IL10RB: variants seen among roughly 807,000 people sequenced by gnomAD.
IL10RB encodes interleukin 10 receptor subunit beta.
A neutral mutation model predicts 38.7 loss-of-function variants in IL10RB; 30 were observed. That is an observed-to-expected ratio of 0.78 (90% CI 0.58 to 1.05). The LOEUF is 1.05. Ranked by LOEUF, IL10RB falls within the 50% of genes least tolerant of loss-of-function variation. The pLI is 0.00. For synonymous variants in IL10RB, 142 were observed against 145.9 expected, an observed-to-expected ratio of 0.97 and a Z score of 0.19; for missense variants, 328 against 397.1, an observed-to-expected ratio of 0.83 and a Z score of 1.48.
At chr21:33,297,703 C>G (rs1367894452), downstream of IL10RB, among the ~76,000 whole-genome samples, 1 of 152,000 alleles carries the variant, frequency 6.6e-6, no homozygotes, top group African/African-American at 2.4e-5. Context: ...GTCCCAGCTA[C>G]TCAGGAGGCT....
chr21:33,273,931 A>G (rs548014323), intron 2 of IL10RB, among the ~76,000 whole-genome samples: 1 of 152,288 alleles, frequency 6.6e-6, no homozygotes, highest in East Asian at 1.9e-4. Flanking sequence ...TTTTCACCAC[A>G]TCTGCAGTTA....
rs8178535 is a variant in IL10RB at position 33,290,007 on chromosome 21, G to A, written c.804+1746G>A. 8.1e-3 allele frequency among the ~76,000 whole-genome samples: 1,227 copies of A among 152,174 alleles called. 15 individuals are homozygous for A. Among genetic ancestry groups the A allele is most frequent in the African/African-American group, 0.028 (1,153 of 41,526 alleles). On this transcript the variant is annotated intron_variant, in intron 6 of 6. Transcript: ENST00000290200. ...CGGGCGCCTGTAGTCCCAGCTCCTC[G>A]GGAGGCTGAGGCAGGAGAATGGCGT...
intron 2 of IL10RB, among the ~76,000 whole-genome samples, chr21:33,272,049 G>T (rs567873366): frequency 6.6e-6 from 1 of 152,124 alleles, no homozygotes; most frequent in Non-Finnish European, 1.5e-5. Context: ...TGAAATGACC[G>T]CTGGATTTTC....
chr21:33,297,442 A>T (rs1286441535), downstream of IL10RB, among the ~76,000 whole-genome samples: 1 of 152,010 alleles, frequency 6.6e-6, no homozygotes, highest in Non-Finnish European at 1.5e-5. Flanking sequence ...AAAAAAAAAA[A>T]ACCTAGAAAT....
intron 6 of IL10RB, among the ~76,000 whole-genome samples, chr21:33,289,080 G>T (rs897125085): frequency 6.6e-6 from 1 of 152,220 alleles, no homozygotes; most frequent in African/African-American, 2.4e-5. Context: ...CTCGAGCTGG[G>T]GTGGCCCTTT....
At chr21:33,276,133 A>G (rs1989165905) in intron 2 of IL10RB, among the ~76,000 whole-genome samples, 2 of 152,218 alleles carry the variant, frequency 1.3e-5, no homozygotes, top group African/African-American at 2.4e-5. Flanking sequence ...GCAAATCACA[A>G]TAAAATGAGG....
At chr21:33,290,205 C>T (rs944924606) in intron 6 of IL10RB, among the ~76,000 whole-genome samples, 8 of 152,030 alleles carry the variant, frequency 5.3e-5, no homozygotes, top group Admixed American at 2.0e-4. Flanking sequence ...GCAGGAGAAT[C>T]GCTTGAACTC....
chr21:33,295,845 G>A (rs1262407369), intron 6 of IL10RB, among the ~76,000 whole-genome samples: 1 of 152,128 alleles, frequency 6.6e-6, no homozygotes, highest in East Asian at 1.9e-4. Context: ...AGGAGTTCAA[G>A]ACCAGCCTGG....
intron 4 of IL10RB, among the ~76,000 whole-genome samples, chr21:33,280,392 T>C (rs1392570366): frequency 6.6e-6 from 1 of 152,212 alleles, no homozygotes; most frequent in East Asian, 1.9e-4. Flanking sequence ...CGTGCCACCA[T>C]GTGCCATTGG....
Position 33,288,261 on chromosome 21 carries a change from G to A in IL10RB, c.804G>A (p.Glu268=), listed in dbSNP as rs767451280. The change falls in exon 6 of 7, where the codon GAG becomes GAA. Residue 268 remains glutamate, a splice_region_variant and synonymous_variant. Transcript: ENST00000290200. ...PRNSLPQHLK[E]FLGHPHHNTL... The stretch of plus-strand genomic sequence containing the variant: ...ATTCTCTTCCACAGCACCTGAAAGA[G>A]GTAGGTAGGATGGAGTGAGATGTGG... 4.3e-6 allele frequency: 7 copies of A among 1,613,638 alleles called. No individual in the cohort carries two copies. The highest frequency in any genetic ancestry group is 5.9e-6 in the Non-Finnish European group (7 of 1,179,720).
At chr21:33,278,709 C>G (rs935275457) in intron 3 of IL10RB, among the ~76,000 whole-genome samples, 1 of 152,222 alleles carries the variant, frequency 6.6e-6, no homozygotes, top group African/African-American at 2.4e-5. Flanking sequence ...AGATTTGCCT[C>G]TTGAAGTCTA....
At chr21:33,269,055 A>G (rs1404601392) in intron 2 of IL10RB, among the ~76,000 whole-genome samples, 1 of 152,224 alleles carries the variant, frequency 6.6e-6, no homozygotes, top group Non-Finnish European at 1.5e-5. Context: ...AATTTGCATA[A>G]TGAGTGCTCA....
intron 5 of IL10RB, among the ~76,000 whole-genome samples, chr21:33,284,231 G>A (rs1989331873): frequency 6.6e-6 from 1 of 150,596 alleles, no homozygotes; most frequent in Non-Finnish European, 1.5e-5. Flanking sequence ...AGGAGGCAGA[G>A]GCTGCAGTGA....
intron 6 of IL10RB, among the ~76,000 whole-genome samples, chr21:33,291,045 T>C (rs911466291): frequency 6.6e-6 from 1 of 152,162 alleles, no homozygotes; most frequent in Non-Finnish European, 1.5e-5. Context: ...TGGCGTTCCT[T>C]GGCTTCTAGA....
At chr21:33,294,026 C>T in intron 6 of IL10RB, 1 of 471,110 alleles carries the variant, frequency 2.1e-6, no homozygotes, top group Non-Finnish European at 4.4e-6. Context: ...ACTGGTCAGA[C>T]AGGAAAGAAC....
At chr21:33,270,467 G>A (rs566717881) in intron 2 of IL10RB, among the ~76,000 whole-genome samples, 8 of 149,950 alleles carry the variant, frequency 5.3e-5, no homozygotes, top group African/African-American at 1.5e-4. Flanking sequence ...TGCAACCTCC[G>A]CCTCCCGGGT....
chr21:33,266,415 G>A lies in IL10RB; in HGVS notation c.-51G>A, dbSNP rs761985985. Reference sequence around the variant, plus strand: ...GCCGCGGACAAGCTCTCCCGGGCGCGGGCGGGGGTCGTGTGCTTGGAGGAA... The same window carrying A: ...GCCGCGGACAAGCTCTCCCGGGCGCAGGCGGGGGTCGTGTGCTTGGAGGAA... On this transcript the variant is annotated 5_prime_UTR_variant, in exon 1 of 7. Coordinates refer to ENST00000290200, the MANE Select transcript of IL10RB (RefSeq NM_000628.5). 4 of 1,529,420 alleles carry A rather than the reference G, an allele frequency of 2.6e-6. No individual in the cohort carries two copies. The highest frequency in any genetic ancestry group is 1.2e-5 in the South Asian group (1 of 83,218). 94.7% of individuals were successfully genotyped at this position (1,529,420 alleles called of 1,614,324 possible).
chr21:33,288,198 C>A lies in IL10RB; in HGVS notation c.741C>A (p.Cys247Ter). 6.2e-7 allele frequency: 1 copy of A among 1,613,894 alleles called. No individual in the cohort carries two copies. Among genetic ancestry groups the A allele is most frequent in the Non-Finnish European group, 8.5e-7 (1 of 1,179,832 alleles). Residue 247 changes from cysteine to a stop codon, truncating the protein, a stop_gained, in exon 6 of 7, where the codon TGC (cysteine) becomes TGA (stop). Transcript: ENST00000290200. LOFTEE classifies it high-confidence loss of function. ...TCGGCTGCTTCGCCTTGCTGTGGTGCGTTTACAAGAAGACAAAGTACGCCT... is the reference window on the plus strand; with the variant it reads ...TCGGCTGCTTCGCCTTGCTGTGGTGAGTTTACAAGAAGACAAAGTACGCCT... ...ALLGCFALLWCVYKKTKYAFS... is the reference protein window; with the variant it reads ...ALLGCFALLW
chr21:33,270,384 C>CTT (rs796190557), intron 2 of IL10RB, among the ~76,000 whole-genome samples: 3 of 142,570 alleles, frequency 2.1e-5, no homozygotes, highest in African/African-American at 5.1e-5. Flanking sequence ...GTTTGTTTTT[C>CTT]TTTTTTTTTT....
Sources: allele counts gnomAD v4.1 joint callset (sites outside exome capture counted in the v4.1 genomes callset), GRCh38; gene constraint gnomAD v4.1.1; transcripts MANE v1.5; gene names NCBI Gene and HGNC (gene_info 2026-07-23, HGNC 2026-07-21).